ATP13A3: variants seen among roughly 807,000 people sequenced by gnomAD.
ATP13A3 encodes the protein ATPase 13A3.
In ATP13A3, 59 loss-of-function variants were observed where a neutral mutation model predicts 158.1. The ratio of observed to expected loss-of-function variants is 0.37; its 90% CI spans 0.30 to 0.46. The LOEUF is 0.46. ATP13A3 is among the 20% of genes least tolerant of loss of function. ATP13A3 has a pLI of 1.00. For synonymous variants in ATP13A3, 491 were observed against 504.3 expected (o/e 0.97, Z 0.35); for missense variants, 1,166 against 1,525.2 (o/e 0.76, Z 3.92).
intron 2 of ATP13A3, among the ~76,000 whole-genome samples, chr3:194,471,350 AAAG>A (rs1247913832): frequency 6.6e-6 from 1 of 151,134 alleles, no homozygotes. Context: ...AAAAAAAAGA[AAAG>A]AAAAGAAAAA....
intron 9 of ATP13A3, 83 bp downstream of exon 9, chr3:194,454,175 G>C (rs1719028590): frequency 7.7e-7 from 1 of 1,291,340 alleles, no homozygotes; most frequent in African/African-American, 1.5e-5. Flanking sequence ...AATTTACTTT[G>C]TGCTGAGTAC....
intron 26 of ATP13A3, 53 bp downstream of exon 26, chr3:194,430,008 ATTTTCTCTTCT>A: frequency 8.7e-6 from 12 of 1,371,788 alleles, no homozygotes; most frequent in Non-Finnish European, 1.1e-5. Flanking sequence ...TTTTATGATA[ATTTTCTCTTCT>A]GTATTATCAG....
At chr3:194,408,214 T>C (rs1715095308) in intron 33 of ATP13A3, among the ~76,000 whole-genome samples, 2 of 152,080 alleles carry the variant, frequency 1.3e-5, no homozygotes, top group Non-Finnish European at 2.9e-5. Context: ...GAGACGGGGT[T>C]TCACCACGTT....
At position 194,406,086 on chromosome 3, in the gene ATP13A3, A is replaced by G; in HGVS notation, c.3604T>C (p.Leu1202=). The part of the protein sequence containing the change: ...ESVDRWGKCC[L]PWALGCRKKT... ...TTTCTACAGCCCAGGGCCCAGGGTA[A>G]GCAGCATTTTCCCCACCGATCCACT... Residue 1202 remains leucine, a synonymous_variant, in exon 34 of 34, where the codon TTA becomes CTA. Transcript: ENST00000645319. 6.2e-7 allele frequency: 1 copy of G among 1,614,170 alleles called. No homozygotes were observed. The highest frequency in any genetic ancestry group is 1.1e-5 in the South Asian group (1 of 91,074).
intron 33 of ATP13A3, among the ~76,000 whole-genome samples, chr3:194,407,274 G>C (rs1004995825): frequency 3.2e-4 from 48 of 152,112 alleles, no homozygotes; most frequent in African/African-American, 1.1e-3. Flanking sequence ...TATAAACCAG[G>C]CTACAACTAG....
At chr3:194,427,638 TAAATA>T (rs1716886891) in intron 28 of ATP13A3, among the ~76,000 whole-genome samples, 1 of 9,446 alleles carries the variant, frequency 1.1e-4, no homozygotes, top group Non-Finnish European at 1.5e-4. Flanking sequence ...ATCTCTACAA[TAAATA>T]AATAAATAAA....
chr3:194,458,340 CAA>C (rs202177921), intron 6 of ATP13A3, among the ~76,000 whole-genome samples: 67 of 135,312 alleles, frequency 5.0e-4, no homozygotes, highest in African/African-American at 1.5e-3. Flanking sequence ...AGTGCCAAGT[CAA>C]AAAAAAAAAA....
At chr3:194,424,238 T>C (rs1350918943) in intron 30 of ATP13A3, among the ~76,000 whole-genome samples, 2 of 151,672 alleles carry the variant, frequency 1.3e-5, no homozygotes, top group Non-Finnish European at 2.9e-5. Flanking sequence ...AAAATAATAG[T>C]TATTTTTTAA....
At chr3:194,480,652 G>A (rs564111297) in intron 2 of ATP13A3, among the ~76,000 whole-genome samples, 55 of 151,614 alleles carry the variant, frequency 3.6e-4, no homozygotes, top group African/African-American at 1.2e-3. Flanking sequence ...ATAACCTTAC[G>A]GAGATAGCAG....
At chr3:194,437,073 T>C (rs770624663) in intron 20 of ATP13A3, 22 bp downstream of exon 20, 5 of 1,609,216 alleles carry the variant, frequency 3.1e-6, no homozygotes, top group Admixed American at 3.4e-5. Context: ...ACTGGGAAAC[T>C]AGGAAAGCCG....
At position 194,447,020 on chromosome 3, in the gene ATP13A3, A is replaced by G; in HGVS notation, c.1404T>C (p.Tyr468=). ...CGATTTTTTTCAGTCTTCTCTGAGC[A>G]TACACAATACCAGCAGTCATTGCAG... is the stretch of plus-strand genomic sequence containing the variant. ...LPAAMTAGIV[Y]AQRRLKKIGI... The change falls in exon 14 of 34, where the codon TAT becomes TAC. Residue 468 remains tyrosine (Y), a synonymous_variant. Transcript: ENST00000645319. 6.2e-7 allele frequency: 1 copy of G among 1,613,702 alleles called. No homozygotes were observed. The highest frequency in any genetic ancestry group is 8.5e-7 in the Non-Finnish European group (1 of 1,179,732).
chr3:194,481,119 T>C (rs1017412700), intron 2 of ATP13A3, among the ~76,000 whole-genome samples: 8 of 152,146 alleles, frequency 5.3e-5, no homozygotes, highest in African/African-American at 1.7e-4. Flanking sequence ...TGATTGCACT[T>C]TATTCAGCTC....
At chr3:194,453,279 T>TTA (rs1718944928) in intron 10 of ATP13A3, among the ~76,000 whole-genome samples, 1 of 123,958 alleles carries the variant, frequency 8.1e-6, no homozygotes, top group African/African-American at 3.3e-5. Flanking sequence ...CACATCGACT[T>TTA]TAAAAAAAAA....
chr3:194,458,616 C>T (rs191169975), intron 6 of ATP13A3, among the ~76,000 whole-genome samples: 6 of 151,782 alleles, frequency 4.0e-5, no homozygotes, highest in African/African-American at 1.2e-4. Flanking sequence ...TTGAACTCCT[C>T]ACCTCAGGTG....
intron 31 of ATP13A3, 55 bp downstream of exon 31, chr3:194,419,824 G>C: frequency 6.6e-7 from 1 of 1,521,062 alleles, no homozygotes; most frequent in Non-Finnish European, 8.7e-7. Flanking sequence ...TGGAAAAAAA[G>C]AAATGTATAC....
chr3:194,486,284 A>C (rs1009975853), intron 1 of ATP13A3, among the ~76,000 whole-genome samples: 1 of 151,328 alleles, frequency 6.6e-6, no homozygotes, highest in Non-Finnish European at 1.5e-5. Flanking sequence ...CAGGACCTCC[A>C]CCTCCCACAG....
At chr3:194,462,031 G>C in intron 3 of ATP13A3, 109 bp downstream of exon 3, 1 of 1,009,322 alleles carries the variant, frequency 9.9e-7, no homozygotes, top group Non-Finnish European at 1.5e-6. Flanking sequence ...AGCCCATTGA[G>C]TTAGCTGCTG....
At chr3:194,406,448 T>A (rs930070641) in intron 33 of ATP13A3, among the ~76,000 whole-genome samples, 1 of 152,212 alleles carries the variant, frequency 6.6e-6, no homozygotes, top group African/African-American at 2.4e-5. Context: ...GAACTGATTA[T>A]TCTTTAGATT....
intron 17 of ATP13A3, 56 bp downstream of exon 17, chr3:194,438,800 A>G: frequency 8.3e-7 from 1 of 1,199,752 alleles, no homozygotes; most frequent in East Asian, 2.6e-5. Flanking sequence ...GAAAAAAATT[A>G]AAAATAAATA....
Sources: gnomAD v4.1 joint callset for allele counts (sites outside exome capture counted in the v4.1 genomes callset) on GRCh38, gnomAD v4.1.1 for gene constraint, MANE v1.5 for transcripts, NCBI Gene and HGNC (gene_info 2026-07-23, HGNC 2026-07-21) for gene names.